LYPD6B: variants seen among roughly 807,000 people sequenced by gnomAD.
The protein encoded by LYPD6B is ly6/PLAUR domain-containing protein 6B.
In LYPD6B, 17 loss-of-function variants were observed where a neutral mutation model predicts 22.8. The ratio of observed to expected loss-of-function variants is 0.75; its 90% CI spans 0.51 to 1.12. LYPD6B has a LOEUF of 1.12. LYPD6B is among the 50% of genes most tolerant of loss of function. The probability of loss-of-function intolerance (pLI) is 0.00; values close to 1 mark genes in which losing one functional copy is unlikely to be tolerated. For synonymous variants in LYPD6B, 106 were observed against 91.6 expected (o/e 1.16, Z -0.90); for missense variants, 221 against 258.3 (o/e 0.86, Z 0.99).
intron 3 of LYPD6B, among the ~76,000 whole-genome samples, chr2:149,166,225 G>T (rs1001811290): frequency 2.0e-5 from 3 of 152,180 alleles, no homozygotes; most frequent in Non-Finnish European, 1.5e-5. Context: ...CCCAAGGAAA[G>T]GGTGGGTTGA....
chr2:149,068,486 G>A (rs114299426), intron 1 of LYPD6B: 4,320 of 187,940 alleles, frequency 0.023, 76 homozygotes, highest in Non-Finnish European at 0.035. Context: ...TTATTGTCAC[G>A]CAGATGGCAG....
At chr2:149,146,573 T>C (rs1258766386) in intron 2 of LYPD6B, among the ~76,000 whole-genome samples, 2 of 152,114 alleles carry the variant, frequency 1.3e-5, no homozygotes, top group Non-Finnish European at 2.9e-5. Context: ...TTTGGATGCA[T>C]TTATGTAGAT....
chr2:149,136,463 A>G (rs1387863965), intron 2 of LYPD6B, among the ~76,000 whole-genome samples: 1 of 152,210 alleles, frequency 6.6e-6, no homozygotes, highest in Non-Finnish European at 1.5e-5. Flanking sequence ...CGCTGTTACA[A>G]CGCCTCATTC....
intron 2 of LYPD6B, among the ~76,000 whole-genome samples, chr2:149,147,350 G>T (rs1689089184): frequency 6.6e-6 from 1 of 152,326 alleles, no homozygotes; most frequent in Non-Finnish European, 1.5e-5. Flanking sequence ...CCAGAGGAGG[G>T]TATCTCTGAA....
chr2:149,198,557 C>T lies in LYPD6B; in HGVS notation c.78-6696C>T, dbSNP rs560284300. On this transcript the variant is annotated intron_variant, in intron 3 of 6. Transcript: ENST00000409642. ...ACTGTTTCTCCACCCAAATTATACA[C>T]TTATGGGCCATGTATTAATTCATGA... Among the ~76,000 whole-genome samples, 5 of 152,252 alleles carry T rather than the reference C, an allele frequency of 3.3e-5. No homozygotes were observed. In the South Asian group the frequency reaches 8.3e-4, roughly 25 times the overall value.
chr2:149,052,913 T>C (rs1179533923), intron 1 of LYPD6B, among the ~76,000 whole-genome samples: 1 of 152,246 alleles, frequency 6.6e-6, no homozygotes, highest in African/African-American at 2.4e-5. Flanking sequence ...TCCATTCTTC[T>C]CTATTGGCTT....
intron 3 of LYPD6B, among the ~76,000 whole-genome samples, chr2:149,175,887 TCTC>T (rs1165796055): frequency 6.6e-6 from 1 of 152,080 alleles, no homozygotes; most frequent in Non-Finnish European, 1.5e-5. Flanking sequence ...GGAGCTGACA[TCTC>T]CTATGATAAC....
chr2:149,062,592 GTGA>G (rs1224663312), intron 1 of LYPD6B, among the ~76,000 whole-genome samples: 5 of 152,072 alleles, frequency 3.3e-5, no homozygotes, highest in African/African-American at 1.2e-4. Context: ...TACCTGAGAA[GTGA>G]TGATTTTTTT....
chr2:149,092,604 GTGTGACCA>G (rs145199699), intron 1 of LYPD6B, among the ~76,000 whole-genome samples: 3,154 of 152,288 alleles, frequency 0.021, 109 homozygotes, highest in African/African-American at 0.072. Flanking sequence ...CTTGCAACTA[GTGTGACCA>G]TGTGACTAAA....
At position 149,123,109 on chromosome 2, in the gene LYPD6B, A is replaced by G. The variant is rs184899584; in HGVS notation, c.-66-7774A>G. 3.5e-4 allele frequency among the ~76,000 whole-genome samples: 53 copies of G among 152,346 alleles called. No homozygotes were observed. The East Asian group carries it at 9.3e-3, about 27-fold the overall frequency. ...CAGTAGTTCCAGAAGGGAAGGTGGC[A>G]GGAGGATTCAGTCATCACATGGAAC... On this transcript the variant is annotated intron_variant, in intron 1 of 6. Coordinates refer to ENST00000409642, the MANE Select transcript of LYPD6B (RefSeq NM_177964.5).
intron 1 of LYPD6B, among the ~76,000 whole-genome samples, chr2:149,124,342 T>G (rs549252571): frequency 6.6e-6 from 1 of 152,204 alleles, no homozygotes. Flanking sequence ...TCTTTGCATA[T>G]AGCAGATAAT....
At chr2:149,093,071 AT>A (rs1287464378) in intron 1 of LYPD6B, among the ~76,000 whole-genome samples, 9 of 152,108 alleles carry the variant, frequency 5.9e-5, no homozygotes, top group Non-Finnish European at 1.3e-4. Context: ...AGAGCTATAG[AT>A]GCTTAAGGGC....
In LYPD6B at chr2:149,131,056, T is replaced by A. The variant is rs143330087; in HGVS notation, c.5+103T>A. 418 of 793,086 alleles carry A rather than the reference T, an allele frequency of 5.3e-4. 1 individual carries two copies. In the African/African-American group the frequency reaches 6.2e-3, roughly 12 times the overall value. 49.1% of individuals were successfully genotyped at this position (793,086 alleles called of 1,614,324 possible). On this transcript the variant is annotated intron_variant, in intron 2 of 6. Transcript: ENST00000409642. ...TGCTTCGCAAAAATATATTAAACATTTGTGATCTGGAGTTTCATTAATCTC... is the reference window on the plus strand; with the variant it reads ...TGCTTCGCAAAAATATATTAAACATATGTGATCTGGAGTTTCATTAATCTC...
chr2:149,126,387 A>G (rs1687697495), intron 1 of LYPD6B, among the ~76,000 whole-genome samples: 2 of 152,240 alleles, frequency 1.3e-5, no homozygotes, highest in Non-Finnish European at 2.9e-5. Flanking sequence ...ACCAATAAAC[A>G]GTCAATGCAT....
chr2:149,205,024 G>A, intron 3 of LYPD6B: 1 of 442,172 alleles, frequency 2.3e-6, no homozygotes, highest in South Asian at 4.3e-5. Flanking sequence ...GCCATCGAGT[G>A]TTCTGCTAAA....
chr2:149,047,057 G>T (rs1021711984), intron 1 of LYPD6B, among the ~76,000 whole-genome samples: 1 of 152,186 alleles, frequency 6.6e-6, no homozygotes, highest in African/African-American at 2.4e-5. Flanking sequence ...GTTATAGTTT[G>T]CTTACTCCTG....
intron 1 of LYPD6B, among the ~76,000 whole-genome samples, chr2:149,085,453 G>C (rs2105415368): frequency 6.6e-6 from 1 of 152,360 alleles, no homozygotes; most frequent in South Asian, 2.1e-4. Flanking sequence ...GAGTGGGAAG[G>C]GGTGGCTTAA....
Position 149,072,118 on chromosome 2 carries a change from GAC to G in LYPD6B, c.-67+33319_-67+33320del, listed in dbSNP as rs1384291188. Reference sequence around the variant, plus strand: ...GGCTAATTTTTGTATTTTTGGTAGAGACAGAGTTTTGCCATGTTGGCCGGGCT... The same window carrying G: ...GGCTAATTTTTGTATTTTTGGTAGAGAGAGTTTTGCCATGTTGGCCGGGCT... On this transcript the variant is annotated intron_variant, in intron 1 of 6. Coordinates refer to ENST00000409642, the MANE Select transcript of LYPD6B (RefSeq NM_177964.5). 7.2e-5 allele frequency among the ~76,000 whole-genome samples: 11 copies of G among 152,306 alleles called. No homozygotes were observed. The East Asian group carries it at 2.1e-3, about 29-fold the overall frequency.
chr2:149,079,690 G>A (rs1056399919), intron 1 of LYPD6B, among the ~76,000 whole-genome samples: 9 of 151,704 alleles, frequency 5.9e-5, no homozygotes, highest in Non-Finnish European at 7.4e-5. Flanking sequence ...ATTCATTCTC[G>A]CAGTGGGAAT....
Sources: gnomAD v4.1 joint callset for allele counts (sites outside exome capture counted in the v4.1 genomes callset) on GRCh38, gnomAD v4.1.1 for gene constraint, MANE v1.5 for transcripts, NCBI Gene and HGNC (gene_info 2026-07-23, HGNC 2026-07-21) for gene names.